Variants in CFAP61 observed in about 807,000 individuals in gnomAD.
The protein encoded by CFAP61 is cilia- and flagella-associated protein 61.
Under a neutral mutation model 135.6 loss-of-function variants are expected in CFAP61, and 107 were observed. That is an observed-to-expected ratio of 0.79 (90% CI 0.67 to 0.93). The LOEUF is 0.93. CFAP61 is among the 40% of genes least tolerant of loss of function. The probability of loss-of-function intolerance (pLI) is 0.00; values close to 1 mark genes in which losing one functional copy is unlikely to be tolerated. For synonymous variants in CFAP61, 575 were observed against 578.5 expected (o/e 0.99, Z 0.09); for missense variants, 1,507 against 1,556.2 (o/e 0.97, Z 0.53).
intron 12 of CFAP61, among the ~76,000 whole-genome samples, chr20:20,167,685 A>G (rs17307939): frequency 0.09 from 13,622 of 152,162 alleles, 631 homozygotes; most frequent in Middle Eastern, 0.14. Context: ...CTTATTTTCA[A>G]CTTGAGTATT....
Position 20,331,251 on chromosome 20 carries a change from C to T in CFAP61, c.3423-10580C>T, listed in dbSNP as rs911966718. On this transcript the variant is annotated intron_variant, in intron 25 of 26. Coordinates refer to ENST00000245957, the MANE Select transcript of CFAP61 (RefSeq NM_015585.4). ...TTGTGGACTTAAGGATTCCTGCACT[C>T]TTCTGTGGGTTGTAATCCATTACCC... 2.0e-5 allele frequency among the ~76,000 whole-genome samples: 3 copies of T among 152,242 alleles called. No individual in the cohort carries two copies. The South Asian group carries it at 6.2e-4, about 32-fold the overall frequency.
rs762132676 is a variant in CFAP61, at chr20:20,360,314, A to C, written c.3618A>C (p.Glu1206Asp). 2 of 1,613,880 alleles carry C rather than the reference A, an allele frequency of 1.2e-6. No homozygotes were observed. Among genetic ancestry groups the C allele is most frequent in the Non-Finnish European group, 1.7e-6 (2 of 1,179,972 alleles). The stretch of plus-strand genomic sequence containing the variant: ...AATACCTCAAAAGAGTTTTTGAGGA[A>C]TCCATCTACAAAACCCTGGTGGAGA... ...PRQYLKRVFE[E>D]SIYKTLVERS... Residue 1206 changes from glutamate (E) to aspartate (D), a missense_variant, in exon 27 of 27, where the codon GAA becomes GAC. By Grantham distance (45) the Glu-to-Asp change is conservative (BLOSUM62 2). Transcript: ENST00000245957.
At chr20:20,181,847 T>TA (rs1326121911) in intron 13 of CFAP61, among the ~76,000 whole-genome samples, 1 of 152,198 alleles carries the variant, frequency 6.6e-6, no homozygotes, top group Non-Finnish European at 1.5e-5. Flanking sequence ...GGCAAGGTGA[T>TA]ATGTGGAACA....
intron 26 of CFAP61, among the ~76,000 whole-genome samples, chr20:20,344,846 A>G (rs1000122150): frequency 7.2e-5 from 11 of 152,338 alleles, no homozygotes; most frequent in Admixed American, 7.2e-4. Flanking sequence ...ATAGGGGATT[A>G]ACCTAAGCAT....
intron 26 of CFAP61, among the ~76,000 whole-genome samples, chr20:20,352,451 C>T (rs566059401): frequency 9.2e-4 from 140 of 152,268 alleles, no homozygotes; most frequent in Middle Eastern, 3.4e-3. Context: ...GGACACAGAG[C>T]CAAACCATAT....
At chr20:20,311,991 TA>T (rs2056861437) in intron 25 of CFAP61, among the ~76,000 whole-genome samples, 1 of 152,190 alleles carries the variant, frequency 6.6e-6, no homozygotes, top group Non-Finnish European at 1.5e-5. Flanking sequence ...TCCGACTTAA[TA>T]AATCTTGAAA....
chr20:20,266,163 T>C (rs1458940030), intron 21 of CFAP61, among the ~76,000 whole-genome samples: 1 of 152,226 alleles, frequency 6.6e-6, no homozygotes, highest in Non-Finnish European at 1.5e-5. Flanking sequence ...GGGCATTCCA[T>C]ATAGAAATAC....
At position 20,360,508 on chromosome 20, in the gene CFAP61, C is replaced by A. The variant is rs1295991711; in HGVS notation, c.*98C>A. The A allele has an allele frequency of 2.7e-6, 3 of 1,091,722 alleles. No homozygotes were observed. The highest frequency in any genetic ancestry group is 2.1e-5 in the Admixed American group (1 of 47,416). The allele number at this position is 1,091,722 out of a possible 1,614,324, so 67.6% of individuals were successfully genotyped here. On this transcript the variant is annotated 3_prime_UTR_variant, in exon 27 of 27. Coordinates refer to ENST00000245957, the MANE Select transcript of CFAP61 (RefSeq NM_015585.4). ...AGTTCTCTGCAGCCTGGTTTGACAG[C>A]GAAGCCAGCCCCTGGTGGTTTTGTT...
intron 8 of CFAP61, among the ~76,000 whole-genome samples, chr20:20,113,966 C>CAAAAAAAAA (rs11456473): frequency 3.2e-5 from 3 of 94,572 alleles, no homozygotes; most frequent in East Asian, 3.0e-4. Flanking sequence ...CATGAGAGCT[C>CAAAAAAAAA]AAAAAAAAAA....
At chr20:20,218,396 C>A (rs1283270731) in intron 17 of CFAP61, among the ~76,000 whole-genome samples, 1 of 152,204 alleles carries the variant, frequency 6.6e-6, no homozygotes, top group African/African-American at 2.4e-5. Flanking sequence ...CCTTCCCCAG[C>A]CACGTGGAAC....
Position 20,142,965 on chromosome 20 carries a change from C to T in CFAP61, c.951+17C>T, listed in dbSNP as rs1370523516. On this transcript the variant is annotated intron_variant, in intron 9 of 26. Coordinates refer to ENST00000245957, the MANE Select transcript of CFAP61 (RefSeq NM_015585.4). Reference sequence around the variant, plus strand: ...AACATCCAGGTGAGAGAGACTATCCCTCCATGCCTAGGGTGGGGGGATGGG... The same window carrying T: ...AACATCCAGGTGAGAGAGACTATCCTTCCATGCCTAGGGTGGGGGGATGGG... 7 of 1,504,988 alleles carry T rather than the reference C, an allele frequency of 4.7e-6. No homozygotes were observed. The highest frequency in any genetic ancestry group is 1.8e-5 in the Admixed American group (1 of 54,536). The allele number at this position is 1,504,988 out of a possible 1,614,324, so 93.2% of individuals were successfully genotyped here. A position where few individuals can be genotyped will look rare whatever the true frequency, so the allele number is the denominator to read the frequency against.
At chr20:20,244,232 C>T (rs565093816) in intron 18 of CFAP61, among the ~76,000 whole-genome samples, 5 of 152,144 alleles carry the variant, frequency 3.3e-5, no homozygotes, top group African/African-American at 4.8e-5. Flanking sequence ...ACTAGAAGTG[C>T]CCCAGTAGGG....
intron 25 of CFAP61, among the ~76,000 whole-genome samples, chr20:20,328,361 A>C (rs1380860722): frequency 6.6e-6 from 1 of 152,216 alleles, no homozygotes; most frequent in African/African-American, 2.4e-5. Context: ...CAGTGTGTGC[A>C]AGACTTGCTT....
intron 4 of CFAP61, 101 bp downstream of exon 4, chr20:20,074,479 T>G: frequency 1.0e-6 from 1 of 982,458 alleles, no homozygotes; most frequent in African/African-American, 1.6e-5. Context: ...GTGTTTAATT[T>G]GCTTGTAATT....
At chr20:20,277,131 A>T (rs1272234059) in intron 21 of CFAP61, 35 bp from the exon 22 acceptor site, 4 of 1,531,814 alleles carry the variant, frequency 2.6e-6, no homozygotes, top group Admixed American at 1.8e-5. Context: ...TGGTTTTCTG[A>T]ACTGTATATC....
At chr20:20,134,021 TTAGGAACA>T (rs2050737412) in intron 8 of CFAP61, among the ~76,000 whole-genome samples, 1 of 152,160 alleles carries the variant, frequency 6.6e-6, no homozygotes, top group Non-Finnish European at 1.5e-5. Flanking sequence ...ATACTAGACT[TTAGGAACA>T]TAGTCTAGTA....
chr20:20,252,064 A>G (rs2050964295), intron 20 of CFAP61, among the ~76,000 whole-genome samples: 1 of 152,252 alleles, frequency 6.6e-6, no homozygotes, highest in Non-Finnish European at 1.5e-5. Flanking sequence ...TGCTCGCCCT[A>G]GCAGAATCCA....
chr20:20,269,134 T>TAC (rs1443719059), intron 21 of CFAP61, among the ~76,000 whole-genome samples: 3 of 81,164 alleles, frequency 3.7e-5, no homozygotes, highest in East Asian at 2.2e-4. Context: ...TATATATATA[T>TAC]ATATATATAT....
intron 3 of CFAP61, among the ~76,000 whole-genome samples, chr20:20,071,971 T>G (rs7274876): frequency 0.11 from 16,312 of 152,096 alleles, 2,943 homozygotes; most frequent in African/African-American, 0.37. Context: ...GGAATGGTGA[T>G]TAGCCTGTAG....
Sources: gnomAD v4.1 joint callset for allele counts (sites outside exome capture counted in the v4.1 genomes callset) on GRCh38, gnomAD v4.1.1 for gene constraint, MANE v1.5 for transcripts, NCBI Gene and HGNC (gene_info 2026-07-23, HGNC 2026-07-21) for gene names.